PPP1R9A: variants seen among roughly 807,000 people sequenced by gnomAD.
PPP1R9A encodes protein phosphatase 1 regulatory subunit 9A.
PPP1R9A carries 59 observed loss-of-function variants against 141.9 expected under a neutral mutation model. That is an observed-to-expected ratio of 0.42 (90% CI 0.34 to 0.52). The LOEUF (loss-of-function observed/expected upper bound fraction) is 0.52. Among genes scored for constraint, PPP1R9A ranks in the 20% least tolerant of loss-of-function variants. The pLI, the probability that PPP1R9A is intolerant of heterozygous loss-of-function variation, is 0.10. For synonymous variants in PPP1R9A, 500 were observed against 569.7 expected, an observed-to-expected ratio of 0.88 and a Z score of 1.74; for missense variants, 1,444 against 1,611.9, an observed-to-expected ratio of 0.90 and a Z score of 1.78.
At chr7:94,975,826 A>C (rs1799386264) in intron 2 of PPP1R9A, among the ~76,000 whole-genome samples, 1 of 152,192 alleles carries the variant, frequency 6.6e-6, no homozygotes, top group Non-Finnish European at 1.5e-5. Context: ...GGTCATTCAT[A>C]AAAACCAGTA....
intron 2 of PPP1R9A, among the ~76,000 whole-genome samples, chr7:95,012,599 C>T (rs753939971): frequency 3.9e-4 from 59 of 151,952 alleles, no homozygotes; most frequent in Non-Finnish European, 6.9e-4. Flanking sequence ...ATTGGATATC[C>T]GTAAGATGAA....
intron 7 of PPP1R9A, among the ~76,000 whole-genome samples, chr7:95,209,604 T>G (rs1218075012): frequency 6.6e-6 from 1 of 152,180 alleles, no homozygotes; most frequent in African/African-American, 2.4e-5. Flanking sequence ...AGAAGGAGAT[T>G]GTAAGATTGA....
intron 6 of PPP1R9A, among the ~76,000 whole-genome samples, chr7:95,203,142 T>G (rs1240341110): frequency 1.3e-5 from 2 of 152,096 alleles, no homozygotes; most frequent in African/African-American, 4.8e-5. Context: ...TTAATATCAT[T>G]ATAACAATAT....
intron 4 of PPP1R9A, among the ~76,000 whole-genome samples, chr7:95,139,810 T>TAAAAAAAAAAAAAAAAA (rs1177269547): frequency 2.1e-5 from 2 of 95,318 alleles, no homozygotes; most frequent in Non-Finnish European, 2.3e-5. Flanking sequence ...AGCAAAACAT[T>TAAAAAAAAAAAAAAAAA]AAAAAAAAAA....
rs138632029 is a variant in PPP1R9A, at chr7:95,168,824, C to T, written c.1754+6853C>T. 2.0e-3 allele frequency among the ~76,000 whole-genome samples: 303 copies of T among 152,082 alleles called. 2 individuals are homozygous for T. Among genetic ancestry groups the T allele is most frequent in the Non-Finnish European group, 2.6e-3 (174 of 67,938 alleles). On this transcript the variant is annotated intron_variant, in intron 5 of 19. Transcript: ENST00000433360. Reference sequence around the variant, plus strand: ...ATCATCAGAGAAATGCAAAATAAAACTGTACTAAGATATCCGCTTACCCCA... The same window carrying T: ...ATCATCAGAGAAATGCAAAATAAAATTGTACTAAGATATCCGCTTACCCCA...
chr7:95,079,254 C>CTTG (rs1180099410), intron 2 of PPP1R9A, among the ~76,000 whole-genome samples: 3 of 152,146 alleles, frequency 2.0e-5, no homozygotes, highest in African/African-American at 7.2e-5. Context: ...TTCCCCATTT[C>CTTG]TTGTTTTTCT....
intron 16 of PPP1R9A, among the ~76,000 whole-genome samples, chr7:95,275,763 T>C (rs1803052453): frequency 6.6e-6 from 1 of 152,240 alleles, no homozygotes; most frequent in Admixed American, 6.5e-5. Context: ...TTCTGACATA[T>C]ACCTTGGTGA....
rs574009184 is a variant in PPP1R9A at position 95,126,959 on chromosome 7, T to C, written c.1649+6127T>C. Among the ~76,000 whole-genome samples the C allele has an allele frequency of 5.9e-5, 9 of 152,156 alleles. No homozygotes were observed. The South Asian group carries it at 1.9e-3, about 32-fold the overall frequency. On this transcript the variant is annotated intron_variant, in intron 4 of 19. Coordinates refer to ENST00000433360, the MANE Select transcript of PPP1R9A (RefSeq NM_001166160.2). ...TAAACCTGAACCACTGCCTTTTTCA[T>C]CCATTATTCCCCTCATCTCTCACCC...
intron 4 of PPP1R9A, among the ~76,000 whole-genome samples, chr7:95,143,673 G>T (rs748207130): frequency 6.6e-6 from 1 of 152,142 alleles, no homozygotes; most frequent in African/African-American, 2.4e-5. Flanking sequence ...ATGTGAGAAA[G>T]GAATCTTGGC....
Position 95,294,730 on chromosome 7 carries a change from T to C in PPP1R9A, c.*4427T>C, listed in dbSNP as rs1806862735. Reference sequence around the variant, plus strand: ...CATAGAATAGGCCCAACTAAGAAGTTGGAGGGGCAAAGAGAAAGCCGACAG... The same window carrying C: ...CATAGAATAGGCCCAACTAAGAAGTCGGAGGGGCAAAGAGAAAGCCGACAG... On this transcript the variant is annotated 3_prime_UTR_variant, in exon 20 of 20. Transcript: ENST00000433360. 1 of 152,134 alleles carries C rather than the reference T, an allele frequency of 6.6e-6. No homozygotes were observed. Among genetic ancestry groups the C allele is most frequent in the Admixed American group, 6.6e-5 (1 of 15,258 alleles). 9.4% of individuals were successfully genotyped at this position (152,134 alleles called of 1,614,324 possible). A position where few individuals can be genotyped will look rare whatever the true frequency, so the allele number is the denominator to read the frequency against.
chr7:95,275,062 T>C (rs1054192348), intron 16 of PPP1R9A, among the ~76,000 whole-genome samples: 1 of 152,204 alleles, frequency 6.6e-6, no homozygotes, highest in Admixed American at 6.5e-5. Flanking sequence ...CTTATTATTA[T>C]TTGCAAGTTA....
chr7:95,038,555 C>T (rs902149728), intron 2 of PPP1R9A, among the ~76,000 whole-genome samples: 1 of 152,054 alleles, frequency 6.6e-6, no homozygotes, highest in African/African-American at 2.4e-5. Flanking sequence ...AATGTCCACA[C>T]TCCAGGGTGA....
At chr7:95,080,411 T>C (rs1348229913) in intron 2 of PPP1R9A, among the ~76,000 whole-genome samples, 3 of 152,112 alleles carry the variant, frequency 2.0e-5, no homozygotes, top group Admixed American at 6.5e-5. Context: ...CAAGGAGAAC[T>C]ACAAACCACT....
At chr7:95,080,999 C>G (rs1449884951) in intron 2 of PPP1R9A, among the ~76,000 whole-genome samples, 1 of 152,148 alleles carries the variant, frequency 6.6e-6, no homozygotes, top group East Asian at 1.9e-4. Context: ...TGCTTGTTAA[C>G]TATTGTTTAC....
chr7:94,974,030 T>C (rs1030578660), intron 2 of PPP1R9A, among the ~76,000 whole-genome samples: 1 of 152,152 alleles, frequency 6.6e-6, no homozygotes, highest in Non-Finnish European at 1.5e-5. Context: ...GAAATTTTAA[T>C]TTGAGGAAAT....
intron 5 of PPP1R9A, among the ~76,000 whole-genome samples, chr7:95,180,023 C>A (rs1210855292): frequency 6.6e-6 from 1 of 151,988 alleles, no homozygotes; most frequent in Non-Finnish European, 1.5e-5. Context: ...TAGGAAAAAA[C>A]AATTCTAAAA....
chr7:95,201,234 T>G (rs1293965848), intron 6 of PPP1R9A, among the ~76,000 whole-genome samples: 1 of 138,270 alleles, frequency 7.2e-6, no homozygotes, highest in Non-Finnish European at 1.5e-5. Flanking sequence ...TAAGTTAAAC[T>G]GTTTTTCTTT....
chr7:94,952,837 C>T (rs1796628727), intron 2 of PPP1R9A, among the ~76,000 whole-genome samples: 1 of 151,672 alleles, frequency 6.6e-6, no homozygotes, highest in Admixed American at 6.6e-5. Context: ...GTTTAAATTC[C>T]TTGTAGATTC....
At position 95,245,932 on chromosome 7, in the gene PPP1R9A, G is replaced by A. The variant is rs560278812; in HGVS notation, c.2113-1541G>A. ...AAGATGGCCAGAGTGACCAGGTCAGGAAGAATGTAAGCAGTGTGAGTGCGG... is the reference window on the plus strand; with the variant it reads ...AAGATGGCCAGAGTGACCAGGTCAGAAAGAATGTAAGCAGTGTGAGTGCGG... On this transcript the variant is annotated intron_variant, in intron 8 of 19. Transcript: ENST00000433360. 8.5e-5 allele frequency among the ~76,000 whole-genome samples: 13 copies of A among 152,304 alleles called. No individual in the cohort carries two copies. The South Asian group carries it at 2.7e-3, about 32-fold the overall frequency.
Sources: gnomAD v4.1 joint callset for allele counts (sites outside exome capture counted in the v4.1 genomes callset) on GRCh38, gnomAD v4.1.1 for gene constraint, MANE v1.5 for transcripts, NCBI Gene and HGNC (gene_info 2026-07-23, HGNC 2026-07-21) for gene names.